The following KCNMB4 variants were observed in gnomAD, a reference collection of about 807,000 sequenced individuals.
KCNMB4 encodes calcium-activated potassium channel subunit beta-4.
A neutral mutation model predicts 20.7 loss-of-function variants in KCNMB4; 3 were observed. The ratio of observed to expected loss-of-function variants is 0.14; its 90% confidence interval spans 0.07 to 0.37. The LOEUF (loss-of-function observed/expected upper bound fraction) is 0.37, where lower values mean the gene tolerates loss of function less well. Ranked by LOEUF, KCNMB4 falls within the 10% of genes least tolerant of loss-of-function variation. The pLI, the probability that KCNMB4 is intolerant of heterozygous loss-of-function variation, is 1.00. For missense variants in KCNMB4, 168 were observed against 265.9 expected, an observed-to-expected ratio of 0.63 and a Z score of 2.56; for synonymous variants, 110 against 113.4, an observed-to-expected ratio of 0.97 and a Z score of 0.19.
chr12:70,428,142 C>CA (rs1869262159), intron 2 of KCNMB4, among the ~76,000 whole-genome samples: 1 of 151,974 alleles, frequency 6.6e-6, no homozygotes, highest in African/African-American at 2.4e-5. Context: ...CTCAGCCTCC[C>CA]AAATAACTAG....
chr12:70,384,847 C>T (rs993523378), intron 1 of KCNMB4, among the ~76,000 whole-genome samples: 14 of 132,268 alleles, frequency 1.1e-4, no homozygotes, highest in African/African-American at 4.0e-4. Context: ...GTACTCCAGC[C>T]TGAGCAACAC....
intron 1 of KCNMB4, among the ~76,000 whole-genome samples, chr12:70,379,660 T>C (rs955624308): frequency 1.3e-5 from 2 of 152,186 alleles, no homozygotes; most frequent in Non-Finnish European, 2.9e-5. Context: ...TGATCTGCCT[T>C]CTTCTCCCTT....
intron 1 of KCNMB4, among the ~76,000 whole-genome samples, chr12:70,378,666 AG>A (rs1179553911): frequency 6.6e-6 from 1 of 151,952 alleles, no homozygotes; most frequent in Non-Finnish European, 1.5e-5. Context: ...CTTCCTGAGT[AG>A]CTGGGACTAC....
At chr12:70,425,707 C>A (rs1869193473) in intron 2 of KCNMB4, among the ~76,000 whole-genome samples, 1 of 152,160 alleles carries the variant, frequency 6.6e-6, no homozygotes, top group African/African-American at 2.4e-5. Context: ...CATTGTGCCA[C>A]CTCCATGTTA....
At chr12:70,420,477 A>AG (rs1232834937) in intron 2 of KCNMB4, among the ~76,000 whole-genome samples, 16 of 152,140 alleles carry the variant, frequency 1.1e-4, no homozygotes, top group Admixed American at 9.2e-4. Flanking sequence ...GATGCCAGGG[A>AG]GGGGGCCATG....
chr12:70,421,449 G>A (rs1416205836), intron 2 of KCNMB4, among the ~76,000 whole-genome samples: 2 of 119,308 alleles, frequency 1.7e-5, no homozygotes, highest in Admixed American at 9.9e-5. Context: ...GGGCGACAGA[G>A]TGAGACCTTG....
At chr12:70,410,866 A>T (rs1312341057) in intron 2 of KCNMB4, among the ~76,000 whole-genome samples, 1 of 152,328 alleles carries the variant, frequency 6.6e-6, no homozygotes, top group Non-Finnish European at 1.5e-5. Flanking sequence ...GCTAACAGAT[A>T]TATCCTAATT....
chr12:70,430,477 T>C lies in KCNMB4; in HGVS notation c.465-8T>C, dbSNP rs1344968459. 6.2e-7 allele frequency: 1 copy of C among 1,613,264 alleles called. No homozygotes were observed. The highest frequency in any genetic ancestry group is 8.5e-7 in the Non-Finnish European group (1 of 1,179,750). On this transcript the variant is annotated splice_region_variant and splice_polypyrimidine_tract_variant and intron_variant, in intron 2 of 2. Transcript: ENST00000258111. The stretch of plus-strand genomic sequence containing the variant: ...GCCCTTTCTTTCTTATTCTCCATTG[T>C]CTTGCAGACCAGATGATGTGCTTCT...
chr12:70,412,939 C>T (rs1868821159), intron 2 of KCNMB4, among the ~76,000 whole-genome samples: 1 of 152,110 alleles, frequency 6.6e-6, no homozygotes, highest in South Asian at 2.1e-4. Context: ...TTTCTTTAGA[C>T]ATTAAACCCA....
At position 70,420,748 on chromosome 12, in the gene KCNMB4, C is replaced by A. The variant is rs150326916; in HGVS notation, c.465-9737C>A. Among the ~76,000 whole-genome samples, 633 of 152,242 alleles carry A rather than the reference C, an allele frequency of 4.2e-3. 2 individuals are homozygous for A. The highest frequency in any genetic ancestry group is 0.024 in the Middle Eastern group (7 of 294). On this transcript the variant is annotated intron_variant, in intron 2 of 2. Transcript: ENST00000258111. ...TTTACAATGAATATGAGCTTTTCTT[C>A]AACTTTGAGCTTTGAAAATACTACA...
At chr12:70,384,532 A>G (rs1373561543) in intron 1 of KCNMB4, among the ~76,000 whole-genome samples, 1 of 152,236 alleles carries the variant, frequency 6.6e-6, no homozygotes, top group Non-Finnish European at 1.5e-5. Flanking sequence ...CTCGGGATTC[A>G]CTAACAGAGT....
chr12:70,413,136 G>T (rs970308593), intron 2 of KCNMB4, among the ~76,000 whole-genome samples: 1 of 152,274 alleles, frequency 6.6e-6, no homozygotes, highest in East Asian at 1.9e-4. Context: ...TCTCCAGTAT[G>T]CTGTGGAATA....
rs113177782 is a variant in KCNMB4, at chr12:70,393,840, A to G, written c.337-6369A>G. Among the ~76,000 whole-genome samples the G allele has an allele frequency of 3.6e-4, 11 of 30,810 alleles. 1 individual carries two copies. In the East Asian group the frequency reaches 0.014, roughly 38 times the overall value. The allele number at this position is 30,810 out of a possible 152,430, so 20.2% of individuals were successfully genotyped here. A position where few individuals can be genotyped will look rare whatever the true frequency, so the allele number is the denominator to read the frequency against. On this transcript the variant is annotated intron_variant, in intron 1 of 2. Coordinates refer to ENST00000258111, the MANE Select transcript of KCNMB4 (RefSeq NM_014505.6). The stretch of plus-strand genomic sequence containing the variant: ...CCATCTCCTATGCCCCTTGTCCTCC[A>G]AGGCACATTAGATGACTCAGTCTTT...
At chr12:70,370,078 T>TC (rs1205213113) in intron 1 of KCNMB4, among the ~76,000 whole-genome samples, 1 of 152,128 alleles carries the variant, frequency 6.6e-6, no homozygotes, top group Non-Finnish European at 1.5e-5. Flanking sequence ...GGTCCAACTC[T>TC]CCAAGATTCT....
intron 1 of KCNMB4, among the ~76,000 whole-genome samples, chr12:70,383,942 A>G (rs1382309332): frequency 6.6e-6 from 1 of 152,062 alleles, no homozygotes. Flanking sequence ...GATGATGTGC[A>G]CCTATAACCC....
At chr12:70,423,409 A>G (rs917787252) in intron 2 of KCNMB4, among the ~76,000 whole-genome samples, 1 of 152,178 alleles carries the variant, frequency 6.6e-6, no homozygotes, top group African/African-American at 2.4e-5. Context: ...TCGTTCATAG[A>G]TAGGAAGCAT....
intron 2 of KCNMB4, among the ~76,000 whole-genome samples, chr12:70,416,680 T>C (rs947745156): frequency 1.3e-5 from 2 of 152,186 alleles, no homozygotes; most frequent in African/African-American, 4.8e-5. Flanking sequence ...TTTCAAGATG[T>C]TTAATGCATT....
intron 2 of KCNMB4, among the ~76,000 whole-genome samples, chr12:70,414,907 A>G (rs1868875091): frequency 6.6e-6 from 1 of 152,186 alleles, no homozygotes; most frequent in Non-Finnish European, 1.5e-5. Flanking sequence ...GGTACCCATC[A>G]TATTTGTTAT....
rs189669915 is a variant in KCNMB4 at position 70,367,909 on chromosome 12, G to A, written c.336+839G>A. On this transcript the variant is annotated intron_variant, in intron 1 of 2. Coordinates refer to ENST00000258111, the MANE Select transcript of KCNMB4 (RefSeq NM_014505.6). ...AAGATAAAACCTGGTTAGGACTCCC[G>A]GGATGGAGAGCAGAGAGAGGAAGTC... is the stretch of plus-strand genomic sequence containing the variant. Among the ~76,000 whole-genome samples, 16 of 151,918 alleles carry A rather than the reference G, an allele frequency of 1.1e-4. 1 individual carries two copies. The highest frequency in any genetic ancestry group is 1.0e-3 in the Admixed American group (16 of 15,268).
Sources: gnomAD v4.1 joint callset for allele counts (sites outside exome capture counted in the v4.1 genomes callset) on GRCh38, gnomAD v4.1.1 for gene constraint, MANE v1.5 for transcripts, NCBI Gene and HGNC (gene_info 2026-07-23, HGNC 2026-07-21) for gene names.